Variants in KIAA1217 observed in about 807,000 individuals in gnomAD.
KIAA1217 encodes the protein sickle tail protein homolog.
Under a neutral mutation model 163.9 loss-of-function variants are expected in KIAA1217, and 88 were observed. The ratio of observed to expected loss-of-function variants is 0.54; its 90% CI spans 0.45 to 0.64. KIAA1217 has a LOEUF of 0.64. Ranked by LOEUF, KIAA1217 falls within the 30% of genes least tolerant of loss-of-function variation. The pLI, the probability that KIAA1217 is intolerant of heterozygous loss-of-function variation, is 0.00. For synonymous variants in KIAA1217, 903 were observed against 923.1 expected (o/e 0.98, Z 0.39); for missense variants, 2,372 against 2,475.0 (o/e 0.96, Z 0.88).
chr10:23,855,209 G>A (rs1839586938), intron 1 of KIAA1217, among the ~76,000 whole-genome samples: 1 of 152,142 alleles, frequency 6.6e-6, no homozygotes, highest in Non-Finnish European at 1.5e-5. Flanking sequence ...GGGCAGGCCT[G>A]TTGGTGACAA....
intron 1 of KIAA1217, among the ~76,000 whole-genome samples, chr10:23,857,816 T>A (rs750787189): frequency 3.3e-5 from 5 of 152,114 alleles, no homozygotes; most frequent in Non-Finnish European, 7.4e-5. Context: ...TATGGATGAA[T>A]GTATGTTCAT....
At chr10:23,707,037 A>G (rs1223104453) in intron 1 of KIAA1217, among the ~76,000 whole-genome samples, 2 of 152,218 alleles carry the variant, frequency 1.3e-5, no homozygotes, top group Non-Finnish European at 2.9e-5. Flanking sequence ...ATTGATCACC[A>G]GCTGCTATCT....
intron 1 of KIAA1217, among the ~76,000 whole-genome samples, chr10:23,800,204 C>T (rs747970303): frequency 1.1e-4 from 16 of 152,124 alleles, no homozygotes; most frequent in African/African-American, 3.9e-4. Context: ...GACACTAATC[C>T]ATACTGTATG....
rs116403301 is a variant in KIAA1217 at position 24,039,534 on chromosome 10, C to T, written c.-171+32160C>T. Among the ~76,000 whole-genome samples, 817 of 152,148 alleles carry T rather than the reference C, an allele frequency of 5.4e-3. 5 individuals are homozygous for T. Among genetic ancestry groups the T allele is most frequent in the African/African-American group, 0.019 (771 of 41,506 alleles). The stretch of plus-strand genomic sequence containing the variant: ...CTCTATAGTGTTTTGTGTGGCCAGA[C>T]GGTTTGCCCAACTGTAGGCTGCTGT... On this transcript the variant is annotated intron_variant, in intron 2 of 18. Transcript: ENST00000376462.
intron 1 of KIAA1217, among the ~76,000 whole-genome samples, chr10:23,733,906 C>T (rs756998910): frequency 5.9e-5 from 9 of 151,970 alleles, no homozygotes; most frequent in Non-Finnish European, 1.2e-4. Flanking sequence ...ATAAATTGTT[C>T]TTTGTTACTT....
At chr10:24,275,229 G>T (rs2077153298) in intron 2 of KIAA1217, among the ~76,000 whole-genome samples, 1 of 152,102 alleles carries the variant, frequency 6.6e-6, no homozygotes, top group Non-Finnish European at 1.5e-5. Flanking sequence ...CAATTCTCTT[G>T]CCTTAGCCTC....
Position 24,406,786 on chromosome 10 carries a change from T to C in KIAA1217, c.553+25719T>C, listed in dbSNP as rs926313141. 9.8e-5 allele frequency among the ~76,000 whole-genome samples: 15 copies of C among 152,342 alleles called. 1 individual carries two copies. The highest frequency in any genetic ancestry group is 3.3e-4 in the Admixed American group (5 of 15,306). ...TATTGAACAATCCTACTTTCCTTAA[T>C]GTGTACAGATTTCAGCATTGGCAGG... On this transcript the variant is annotated intron_variant, in intron 3 of 20. Coordinates refer to ENST00000376454, the MANE Select transcript of KIAA1217 (RefSeq NM_019590.5).
Position 23,851,933 on chromosome 10 carries a change from G to T in KIAA1217, c.-320-155292G>T, listed in dbSNP as rs899904339. On this transcript the variant is annotated intron_variant, in intron 1 of 18. Coordinates refer to the KIAA1217 transcript ENST00000376462. ...TATTAGCCCTTTGTCAGATGAGCAG[G>T]TTGTGAAAATTTTCTCCCATTTTGT... Among the ~76,000 whole-genome samples, 5 of 152,092 alleles carry T rather than the reference G, an allele frequency of 3.3e-5. No homozygotes were observed. In the East Asian group the frequency reaches 5.8e-4, roughly 18 times the overall value.
chr10:23,974,215 C>T lies in KIAA1217; in HGVS notation c.-320-33010C>T, dbSNP rs115476007. ...GAGAAAGTGGGTTTGAAGTCTATGC[C>T]CAACAACTCCTAAGATGCTAACCTT... On this transcript the variant is annotated intron_variant, in intron 1 of 18. Coordinates refer to the KIAA1217 transcript ENST00000376462. Among the ~76,000 whole-genome samples, 476 of 152,182 alleles carry T rather than the reference C, an allele frequency of 3.1e-3. 3 individuals carry two copies. Among genetic ancestry groups the T allele is most frequent in the African/African-American group, 0.011 (446 of 41,542 alleles).
chr10:24,476,512 AT>A (rs2064059279), intron 6 of KIAA1217, among the ~76,000 whole-genome samples: 1 of 152,196 alleles, frequency 6.6e-6, no homozygotes. Flanking sequence ...GAAAATCCAA[AT>A]TATTCTATTT....
At chr10:23,905,740 T>A (rs1011044008) in intron 1 of KIAA1217, among the ~76,000 whole-genome samples, 1 of 152,108 alleles carries the variant, frequency 6.6e-6, no homozygotes, top group Non-Finnish European at 1.5e-5. Flanking sequence ...AACAGTAGTA[T>A]CATTACCACC....
intron 1 of KIAA1217, among the ~76,000 whole-genome samples, chr10:23,767,647 A>G (rs749938396): frequency 2.0e-5 from 3 of 152,108 alleles, no homozygotes; most frequent in Non-Finnish European, 4.4e-5. Flanking sequence ...GTAATTGTGG[A>G]TATGGGAGGA....
In KIAA1217 at chr10:24,544,285, C is replaced by T. The variant is rs1373499066; in HGVS notation, c.5015C>T (p.Thr1672Ile). The T allele has an allele frequency of 3.1e-6, 5 of 1,614,112 alleles. No homozygotes were observed. Among genetic ancestry groups the T allele is most frequent in the African/African-American group, 1.3e-5 (1 of 75,026 alleles). Residue 1672 changes from threonine (T) to isoleucine (I), a missense_variant, in exon 19 of 21, where the codon ACC (threonine) becomes ATC (isoleucine). Physicochemically the swap from Thr to Ile is moderately conservative, Grantham distance 89. This residue lies in a region of KIAA1217 where 690 missense variants were observed against 677.5 expected (regional missense o/e 1.02). Transcript: ENST00000376454. The part of the protein sequence containing the change: ...TYRTLDSLEQ[T>I]IKQLENTISE... The stretch of plus-strand genomic sequence containing the variant: ...AGAACATTGGATAGCCTGGAGCAGA[C>T]CATTAAACAGCTCGAAAATACAATC...
At chr10:24,291,672 T>C (rs1416719771) in intron 2 of KIAA1217, among the ~76,000 whole-genome samples, 1 of 152,162 alleles carries the variant, frequency 6.6e-6, no homozygotes, top group Non-Finnish European at 1.5e-5. Context: ...ATCAGAAGTA[T>C]GCTTTTGGTC....
intron 2 of KIAA1217, among the ~76,000 whole-genome samples, chr10:24,222,127 T>G (rs2069737654): frequency 6.6e-6 from 1 of 152,244 alleles, no homozygotes; most frequent in African/African-American, 2.4e-5. Context: ...ATGGTGGCTT[T>G]GGTTAAAACA....
intron 2 of KIAA1217, among the ~76,000 whole-genome samples, chr10:24,109,021 G>C (rs1174611677): frequency 6.6e-6 from 1 of 151,030 alleles, no homozygotes; most frequent in South Asian, 2.1e-4. Context: ...TAGTAGAGAC[G>C]GGGTTTCCCC....
Position 24,524,428 on chromosome 10 carries a change from G to A in KIAA1217, c.2562G>A (p.Glu854=). 1 of 1,614,236 alleles carries A rather than the reference G, an allele frequency of 6.2e-7. No individual in the cohort carries two copies. The highest frequency in any genetic ancestry group is 8.5e-7 in the Non-Finnish European group (1 of 1,180,038). Residue 854 remains glutamate (E), a synonymous_variant, in exon 13 of 21, where the codon GAG becomes GAA. Coordinates refer to ENST00000376454, the MANE Select transcript of KIAA1217 (RefSeq NM_019590.5). ...CAGAAGTCCTGAAGAGTCAGGAGGA[G>A]GCAGCCCACACCTCCGGCCAGCCCT... ...TAAEVLKSQE[E]AAHTSGQPFH... is the part of the protein sequence containing the mutation.
intron 2 of KIAA1217, among the ~76,000 whole-genome samples, chr10:24,298,128 T>C (rs971776401): frequency 8.5e-5 from 13 of 152,200 alleles, no homozygotes; most frequent in African/African-American, 2.7e-4. Flanking sequence ...GAGAGGATAC[T>C]GTCCTTTGTT....
At chr10:24,415,138 G>A (rs1233216738) in intron 3 of KIAA1217, among the ~76,000 whole-genome samples, 1 of 133,802 alleles carries the variant, frequency 7.5e-6, no homozygotes, top group East Asian at 2.2e-4. Context: ...TTTTGAGATA[G>A]AGTCTTTCTG....
Sources: gnomAD v4.1 joint callset for allele counts (sites outside exome capture counted in the v4.1 genomes callset) on GRCh38, gnomAD v4.1.1 for gene constraint, gnomAD v4.1.1 regional missense constraint, MANE v1.5 for transcripts, NCBI Gene and HGNC (gene_info 2026-07-23, HGNC 2026-07-21) for gene names.